SOS1: variants seen among roughly 807,000 people sequenced by gnomAD.
The protein encoded by SOS1 is SOS Ras/Rac guanine nucleotide exchange factor 1, also known as son of sevenless homolog 1.
SOS1 carries 25 observed loss-of-function variants against 157.6 expected under a neutral mutation model. The ratio of observed to expected loss-of-function variants is 0.16; its 90% CI spans 0.12 to 0.22. The LOEUF is 0.22. Among genes scored for constraint, SOS1 ranks in the 10% least tolerant of loss-of-function variants. SOS1 has a pLI of 1.00. For missense variants in SOS1, 1,237 were observed against 1,599.1 expected (o/e 0.77, Z 3.86); for synonymous variants, 528 against 534.0 (o/e 0.99, Z 0.16).
chr2:39,049,718 C>A (rs1279592131), intron 6 of SOS1, among the ~76,000 whole-genome samples: 1 of 152,094 alleles, frequency 6.6e-6, no homozygotes, highest in Non-Finnish European at 1.5e-5. Context: ...CCAGAACCTG[C>A]TCTTAAAATG....
intron 17 of SOS1, among the ~76,000 whole-genome samples, chr2:39,002,269 G>A (rs1199016752): frequency 3.9e-5 from 6 of 151,992 alleles, no homozygotes; most frequent in African/African-American, 7.2e-5. Flanking sequence ...AGGTTGCAGT[G>A]AGCCGAGATC....
intron 8 of SOS1, among the ~76,000 whole-genome samples, chr2:39,026,062 A>C (rs1669950963): frequency 6.6e-6 from 1 of 152,190 alleles, no homozygotes; most frequent in African/African-American, 2.4e-5. Flanking sequence ...GTGTTAAGTA[A>C]AAGAAAAATT....
At chr2:39,119,397 G>A (rs892306701) in intron 1 of SOS1, among the ~76,000 whole-genome samples, 3 of 152,300 alleles carry the variant, frequency 2.0e-5, no homozygotes, top group African/African-American at 4.8e-5. Flanking sequence ...AGAAATATCA[G>A]ACACCTTTTA....
chr2:38,990,697 C>G (rs1454946404), intron 20 of SOS1, among the ~76,000 whole-genome samples: 1 of 152,192 alleles, frequency 6.6e-6, no homozygotes, highest in Non-Finnish European at 1.5e-5. Context: ...ACTGTTACAA[C>G]TATAGTCTTT....
Position 39,090,318 on chromosome 2 carries a change from T to C in SOS1, c.88-22565A>G, listed in dbSNP as rs566381749. 4.6e-5 allele frequency among the ~76,000 whole-genome samples: 7 copies of C among 152,272 alleles called. No homozygotes were observed. In the South Asian group the frequency reaches 1.4e-3, roughly 32 times the overall value. On this transcript the variant is annotated intron_variant, in intron 1 of 22. Transcript: ENST00000402219. ...GATCCAACTTTTTCCTCTATGATCATTTCTCTTCTTTGTGGGGGCTGGGGG... is the reference window on the plus strand; with the variant it reads ...GATCCAACTTTTTCCTCTATGATCACTTCTCTTCTTTGTGGGGGCTGGGGG...
intron 6 of SOS1, among the ~76,000 whole-genome samples, chr2:39,044,040 G>A (rs1670669223): frequency 6.6e-6 from 1 of 152,144 alleles, no homozygotes; most frequent in South Asian, 2.1e-4. Context: ...ACATTTTGAA[G>A]TGGATCTTAG....
intron 1 of SOS1, among the ~76,000 whole-genome samples, chr2:39,097,792 T>C (rs1320279344): frequency 6.6e-6 from 1 of 152,208 alleles, no homozygotes; most frequent in Admixed American, 6.5e-5. Flanking sequence ...CTTGAACTCC[T>C]GAGCTCAAGC....
At position 39,050,585 on chromosome 2, in the gene SOS1, T is replaced by C. The variant is rs946110398; in HGVS notation, c.864+559A>G. Among the ~76,000 whole-genome samples the C allele has an allele frequency of 2.6e-5, 4 of 152,292 alleles. No homozygotes were observed. In the East Asian group the frequency reaches 5.8e-4, roughly 22 times the overall value. Reference sequence around the variant, plus strand: ...ACCTACTGCTTCAGCACCCCAAGTCTGAAAATCCCAAATCTGAAATGCTCC... The same window carrying C: ...ACCTACTGCTTCAGCACCCCAAGTCCGAAAATCCCAAATCTGAAATGCTCC... On this transcript the variant is annotated intron_variant, in intron 6 of 22. Coordinates refer to ENST00000402219, the MANE Select transcript of SOS1 (RefSeq NM_005633.4).
chr2:39,051,987 G>C (rs1015740226), intron 5 of SOS1, among the ~76,000 whole-genome samples: 1 of 152,108 alleles, frequency 6.6e-6, no homozygotes, highest in African/African-American at 2.4e-5. Flanking sequence ...TCAAATTCTA[G>C]AACATTTCAT....
At chr2:39,011,384 G>T (rs534624550) in intron 14 of SOS1, among the ~76,000 whole-genome samples, 2 of 151,740 alleles carry the variant, frequency 1.3e-5, no homozygotes, top group African/African-American at 4.8e-5. Context: ...GTTATAATCA[G>T]TTCAAAGAGG....
chr2:39,062,567 A>G (rs569288673), intron 2 of SOS1, among the ~76,000 whole-genome samples: 5 of 151,434 alleles, frequency 3.3e-5, no homozygotes, highest in African/African-American at 1.2e-4. Context: ...TGAAGGGCTA[A>G]TGACAATAAA....
At chr2:38,996,239 G>A (rs908063654) in intron 19 of SOS1, among the ~76,000 whole-genome samples, 6 of 152,082 alleles carry the variant, frequency 3.9e-5, no homozygotes, top group East Asian at 1.9e-4. Flanking sequence ...ACAGGCTCCC[G>A]CCACCATGTC....
chr2:39,070,159 TA>T (rs201878267), intron 1 of SOS1, among the ~76,000 whole-genome samples: 2 of 151,844 alleles, frequency 1.3e-5, no homozygotes, highest in Non-Finnish European at 2.9e-5. Context: ...GCATGACCTT[TA>T]AAAAAAACAA....
At chr2:39,117,400 T>C (rs1673694279) in intron 1 of SOS1, among the ~76,000 whole-genome samples, 2 of 152,140 alleles carry the variant, frequency 1.3e-5, no homozygotes, top group South Asian at 2.1e-4. Flanking sequence ...ATTTGTGCAA[T>C]AGATAAGATA....
intron 8 of SOS1, among the ~76,000 whole-genome samples, chr2:39,033,036 T>C (rs544672485): frequency 6.6e-5 from 10 of 151,902 alleles, no homozygotes; most frequent in African/African-American, 2.2e-4. Context: ...CTGAACACAT[T>C]TGGCATATCC....
chr2:39,013,726 C>A (rs1669538586), intron 12 of SOS1, 141 bp downstream of exon 12: 4 of 885,936 alleles, frequency 4.5e-6, no homozygotes, highest in East Asian at 5.1e-5. Context: ...ACTATAATTT[C>A]TGATAACTGC....
chr2:38,995,496 C>G (rs1668865634), intron 19 of SOS1, 109 bp from the exon 20 acceptor site: 1 of 818,644 alleles, frequency 1.2e-6, no homozygotes, highest in Non-Finnish European at 2.1e-6. Context: ...AATCATAAAT[C>G]ACTAATAAGG....
intron 1 of SOS1, among the ~76,000 whole-genome samples, chr2:39,088,921 C>G (rs1380540015): frequency 3.3e-5 from 5 of 152,066 alleles, no homozygotes; most frequent in African/African-American, 1.2e-4. Flanking sequence ...ATTTTAGATT[C>G]CCACCAGCAA....
At position 39,011,339 on chromosome 2, in the gene SOS1, A is replaced by T. The variant is rs569954504; in HGVS notation, c.2391-636T>A. Among the ~76,000 whole-genome samples, 11 of 152,366 alleles carry T rather than the reference A, an allele frequency of 7.2e-5. No individual in the cohort carries two copies. In the East Asian group the frequency reaches 7.7e-4, roughly 11 times the overall value. On this transcript the variant is annotated intron_variant, in intron 14 of 22. Coordinates refer to ENST00000402219, the MANE Select transcript of SOS1 (RefSeq NM_005633.4). ...CACTTATAAACATTATTAATAAATT[A>T]GGGTGACAAAGTAGACATTTAAGTA...
Sources: allele counts gnomAD v4.1 joint callset (sites outside exome capture counted in the v4.1 genomes callset), GRCh38; gene constraint gnomAD v4.1.1; transcripts MANE v1.5; gene names NCBI Gene and HGNC (gene_info 2026-07-23, HGNC 2026-07-21).